HIRA: variants seen among roughly 807,000 people sequenced by gnomAD.
The protein encoded by HIRA is protein HIRA.
In HIRA, 13 loss-of-function variants were observed where a neutral mutation model predicts 126.6. The ratio of observed to expected loss-of-function variants is 0.10; its 90% CI spans 0.07 to 0.16. The LOEUF is 0.16. HIRA is among the 10% of genes least tolerant of loss of function. The pLI, the probability that HIRA is intolerant of heterozygous loss-of-function variation, is 1.00. For missense variants in HIRA, 834 were observed against 1,314.4 expected (o/e 0.63, Z 5.65); for synonymous variants, 511 against 520.0 (o/e 0.98, Z 0.24).
rs1556011789 is a variant in HIRA, at chr22:19,354,122, G to A, written c.2562-4C>T. ...CTGCTTGTCAGAAACCAGGTTCCTG[G>A]GGAGGCAAAGGCAGGAGCAGAGCTC... On this transcript the variant is annotated splice_polypyrimidine_tract_variant and splice_region_variant and intron_variant, in intron 21 of 24. Coordinates refer to ENST00000263208, the MANE Select transcript of HIRA (RefSeq NM_003325.4). 1 of 1,612,198 alleles carries A rather than the reference G, an allele frequency of 6.2e-7. No individual in the cohort carries two copies. The highest frequency in any genetic ancestry group is 1.7e-5 in the Admixed American group (1 of 59,758).
At chr22:19,339,988 C>G (rs1345328321) in intron 24 of HIRA, among the ~76,000 whole-genome samples, 1 of 152,094 alleles carries the variant, frequency 6.6e-6, no homozygotes, top group Non-Finnish European at 1.5e-5. Flanking sequence ...TTACAAAAGA[C>G]AGAGAAAGAG....
chr22:19,368,542 T>C (rs2088935408), intron 15 of HIRA, among the ~76,000 whole-genome samples: 1 of 152,196 alleles, frequency 6.6e-6, no homozygotes, highest in South Asian at 2.1e-4. Flanking sequence ...AATAAGCTTT[T>C]GGAACAGTCA....
In HIRA at chr22:19,410,761, C is replaced by T. The variant is rs771778888; in HGVS notation, c.55G>A (p.Val19Ile). Residue 19 changes from valine (V) to isoleucine (I), a missense_variant, in exon 2 of 25, where the codon GTT becomes ATT. This residue lies in a region of HIRA where 102 missense variants were observed against 191.4 expected (regional missense o/e 0.53). Coordinates refer to ENST00000263208, the MANE Select transcript of HIRA (RefSeq NM_003325.4). ...VNHNGKPIFS[V>I]DIHPDGTKFA... The stretch of plus-strand genomic sequence containing the variant: ...TTGGTCCCGTCAGGGTGAATATCAA[C>T]TGAAAAAATCGGCTTGCCTGGAAAC... 1 of 1,613,548 alleles carries T rather than the reference C, an allele frequency of 6.2e-7. No individual in the cohort carries two copies. The highest frequency in any genetic ancestry group is 1.1e-5 in the South Asian group (1 of 90,938).
At chr22:19,403,990 T>C (rs2089289367) in intron 5 of HIRA, among the ~76,000 whole-genome samples, 2 of 152,194 alleles carry the variant, frequency 1.3e-5, no homozygotes, top group South Asian at 2.1e-4. Flanking sequence ...TTTTGTTCTT[T>C]AGCTTAATAG....
chr22:19,389,973 T>C (rs1353677596), intron 9 of HIRA, among the ~76,000 whole-genome samples: 1 of 150,640 alleles, frequency 6.6e-6, no homozygotes, highest in African/African-American at 2.4e-5. Flanking sequence ...GCTCTGCTTA[T>C]AGGGACACTT....
At chr22:19,350,049 G>A (rs782697576) in intron 24 of HIRA, among the ~76,000 whole-genome samples, 19 of 151,220 alleles carry the variant, frequency 1.3e-4, no homozygotes, top group Admixed American at 2.6e-4. Flanking sequence ...GTGCAGTGGC[G>A]CGATCTTGGC....
Position 19,392,179 on chromosome 22 carries a change from C to T in HIRA, c.858G>A (p.Lys286=). ...AGCTAGGCTTCGCAGAACTCCCATT[C>T]TTCTGCTTCTTTTTGAAGATTTTTG... ...FNPKIFKKKQ[K]NGSSAKPSCP... is the part of the protein sequence containing the mutation. The change falls in exon 9 of 25, where the codon AAG becomes AAA. Residue 286 remains lysine, a synonymous_variant. Transcript: ENST00000263208. 1 of 1,608,726 alleles carries T rather than the reference C, an allele frequency of 6.2e-7. No individual in the cohort carries two copies. Among genetic ancestry groups the T allele is most frequent in the East Asian group, 2.2e-5 (1 of 44,752 alleles).
At chr22:19,405,072 C>T (rs900535533) in intron 5 of HIRA, among the ~76,000 whole-genome samples, 3 of 152,172 alleles carry the variant, frequency 2.0e-5, no homozygotes, top group Non-Finnish European at 4.4e-5. Context: ...TTCCATGATC[C>T]GACTCTGGCA....
chr22:19,353,500 G>C lies in HIRA; in HGVS notation c.2704C>G (p.Arg902Gly). 6.2e-7 allele frequency: 1 copy of C among 1,610,118 alleles called. No homozygotes were observed. The highest frequency in any genetic ancestry group is 8.5e-7 in the Non-Finnish European group (1 of 1,178,756). Reference protein sequence around the residue: ...RTSNSGRQAARLFSVPHVVQQ... With the variant: ...RTSNSGRQAAGLFSVPHVVQQ... ...ACCACATGAGGCACGGAGAAGAGCC[G>C]GGCAGCCTGCCTTCCCGAGCTGCAG... Residue 902 changes from arginine (R) to glycine (G), a missense_variant, in exon 23 of 25, where the codon CGG becomes GGG. Coordinates refer to ENST00000263208, the MANE Select transcript of HIRA (RefSeq NM_003325.4).
At chr22:19,397,961 T>C (rs1026019175) in intron 6 of HIRA, 31 bp downstream of exon 6, 3 of 1,550,418 alleles carry the variant, frequency 1.9e-6, no homozygotes, top group Middle Eastern at 1.7e-4. Context: ...CAGTACTGCT[T>C]GCTGTTAACC....
rs552022862 is a variant in HIRA at position 19,419,046 on chromosome 22, A to T, written c.38-8268T>A. On this transcript the variant is annotated intron_variant, in intron 1 of 24. Coordinates refer to ENST00000263208, the MANE Select transcript of HIRA (RefSeq NM_003325.4). ...AAACACCAGAGGTTAGGTCATAATAAAAATGATTCTTTTCATGTGCAGGTG... is the reference window on the plus strand; with the variant it reads ...AAACACCAGAGGTTAGGTCATAATATAAATGATTCTTTTCATGTGCAGGTG... Among the ~76,000 whole-genome samples, 213 of 152,304 alleles carry T rather than the reference A, an allele frequency of 1.4e-3. 1 individual carries two copies. Among genetic ancestry groups the T allele is most frequent in the African/African-American group, 5.1e-3 (210 of 41,560 alleles).
At chr22:19,350,030 C>G (rs1556010329) in intron 24 of HIRA, among the ~76,000 whole-genome samples, 1 of 151,772 alleles carries the variant, frequency 6.6e-6, no homozygotes, top group Non-Finnish European at 1.5e-5. Context: ...CTCTATTGCC[C>G]AGACTGGAGT....
intron 12 of HIRA, among the ~76,000 whole-genome samples, chr22:19,384,146 C>T (rs1345285645): frequency 1.3e-5 from 2 of 151,730 alleles, no homozygotes; most frequent in African/African-American, 4.8e-5. Context: ...GGTGAAACCC[C>T]GTCTCTACTA....
intron 3 of HIRA, among the ~76,000 whole-genome samples, 170 bp downstream of exon 3, chr22:19,408,313 T>C (rs1051513375): frequency 6.6e-6 from 1 of 152,098 alleles, no homozygotes; most frequent in African/African-American, 2.4e-5. Flanking sequence ...GCGGGCCGAG[T>C]CTTCTGCTGA....
At chr22:19,402,038 C>A (rs548075710) in intron 5 of HIRA, among the ~76,000 whole-genome samples, 2 of 152,186 alleles carry the variant, frequency 1.3e-5, no homozygotes, top group Non-Finnish European at 2.9e-5. Context: ...GGCCTTCGCA[C>A]TGGCTGTCCC....
At chr22:19,348,856 G>A (rs1556009788) in intron 24 of HIRA, among the ~76,000 whole-genome samples, 2 of 151,664 alleles carry the variant, frequency 1.3e-5, no homozygotes. Flanking sequence ...GAGTACAATG[G>A]CGTGATCTTG....
chr22:19,336,553 T>C (rs1438657718), intron 24 of HIRA, among the ~76,000 whole-genome samples: 4 of 152,222 alleles, frequency 2.6e-5, no homozygotes, highest in African/African-American at 9.6e-5. Flanking sequence ...GTCCACATGA[T>C]GACTTCACTG....
intron 17 of HIRA, 49 bp from the exon 18 acceptor site, chr22:19,359,533 G>A: frequency 6.7e-7 from 1 of 1,495,972 alleles, no homozygotes; most frequent in Non-Finnish European, 8.9e-7. Flanking sequence ...CCGCAGCCCA[G>A]GTGACATGCT....
intron 5 of HIRA, among the ~76,000 whole-genome samples, chr22:19,403,451 T>C (rs768396089): frequency 6.6e-6 from 1 of 151,526 alleles, no homozygotes; most frequent in African/African-American, 2.4e-5. Flanking sequence ...CTACTAAAAA[T>C]ACAAAAAAAA....
Sources: allele counts gnomAD v4.1 joint callset (sites outside exome capture counted in the v4.1 genomes callset), GRCh38; gene constraint gnomAD v4.1.1; regional missense constraint gnomAD v4.1.1; transcripts MANE v1.5; gene names NCBI Gene and HGNC (gene_info 2026-07-23, HGNC 2026-07-21).